Variants in SEMA3A observed in about 807,000 individuals in gnomAD.
SEMA3A encodes the protein semaphorin-3A.
In SEMA3A, 29 loss-of-function variants were observed where a neutral mutation model predicts 97.9. The observed-to-expected ratio is 0.30, with a 90% CI of 0.22 to 0.40. The LOEUF (loss-of-function observed/expected upper bound fraction) is 0.40. Among genes scored for constraint, SEMA3A ranks in the 10% least tolerant of loss-of-function variants. The probability of loss-of-function intolerance (pLI) is 1.00; values close to 1 mark genes in which losing one functional copy is unlikely to be tolerated. For missense variants in SEMA3A, 763 were observed against 951.3 expected (o/e 0.80, Z 2.60); for synonymous variants, 321 against 323.7 (o/e 0.99, Z 0.09).
rs1346611840 is a variant in SEMA3A, at chr7:84,026,700, A to T, written c.668-12349T>A. 4.6e-5 allele frequency among the ~76,000 whole-genome samples: 7 copies of T among 152,322 alleles called. No homozygotes were observed. In the East Asian group the frequency reaches 1.4e-3, roughly 29 times the overall value. On this transcript the variant is annotated intron_variant, in intron 6 of 16. Transcript: ENST00000265362. ...AGGAATGAGATCATGTCCTGTAGGA[A>T]CATGGATGGGGCCGGAGGCTCTTAT...
chr7:84,232,358 C>G (rs1799135425), intron 3 of SEMA3A, among the ~76,000 whole-genome samples: 1 of 150,306 alleles, frequency 6.7e-6, no homozygotes, highest in Admixed American at 6.7e-5. Flanking sequence ...GTTTTCCAAA[C>G]AGAAATTGAC....
chr7:84,051,908 T>C (rs1393146313), intron 5 of SEMA3A, among the ~76,000 whole-genome samples: 1 of 149,862 alleles, frequency 6.7e-6, no homozygotes, highest in Non-Finnish European at 1.5e-5. Context: ...TTATTGAGAG[T>C]TTTTAGCATG....
intron 1 of SEMA3A, among the ~76,000 whole-genome samples, chr7:84,424,078 T>A (rs1386188036): frequency 6.6e-6 from 1 of 151,392 alleles, no homozygotes; most frequent in Non-Finnish European, 1.5e-5. Context: ...TGGAAAACAG[T>A]ATGAAAGTTT....
At chr7:84,157,341 A>C (rs1465615000) in intron 1 of SEMA3A, among the ~76,000 whole-genome samples, 3 of 152,146 alleles carry the variant, frequency 2.0e-5, no homozygotes, top group Non-Finnish European at 2.9e-5. Context: ...ACCATACTTC[A>C]TTGTTGAGAG....
intron 4 of SEMA3A, among the ~76,000 whole-genome samples, chr7:84,081,023 TTG>T (rs76118207): frequency 0.39 from 59,225 of 151,700 alleles, 12,674 homozygotes; most frequent in Admixed American, 0.48. Flanking sequence ...CCAACATAAT[TTG>T]TGTTACATTT....
At chr7:83,962,064 T>G (rs1249324211) in intron 16 of SEMA3A, among the ~76,000 whole-genome samples, 3 of 152,098 alleles carry the variant, frequency 2.0e-5, no homozygotes, top group Admixed American at 6.6e-5. Flanking sequence ...ATAGAATTTC[T>G]TATAATAATT....
At chr7:84,025,541 T>A (rs915623294) in intron 6 of SEMA3A, among the ~76,000 whole-genome samples, 2 of 152,166 alleles carry the variant, frequency 1.3e-5, no homozygotes, top group African/African-American at 4.8e-5. Flanking sequence ...CATTTTTGGC[T>A]GTGGAATAGA....
intron 1 of SEMA3A, among the ~76,000 whole-genome samples, chr7:84,404,614 GA>G (rs1466602486): frequency 1.3e-5 from 2 of 152,108 alleles, no homozygotes; most frequent in African/African-American, 4.8e-5. Context: ...AAGTTGAAAT[GA>G]AGGAAAAAAT....
chr7:84,258,138 T>G (rs1799759305), intron 3 of SEMA3A, among the ~76,000 whole-genome samples: 1 of 152,176 alleles, frequency 6.6e-6, no homozygotes. Flanking sequence ...ACATTACTGG[T>G]TCCCCTTTCT....
chr7:83,981,337 A>C lies in SEMA3A; in HGVS notation c.1636T>G (p.Phe546Val), dbSNP rs1789406500. The change falls in exon 14 of 17, where the codon TTT (phenylalanine) becomes GTT (valine). Residue 546 changes from phenylalanine (F) to valine (V), a missense_variant. This residue lies in a region of SEMA3A where 678 missense variants were observed against 881.3 expected (regional missense o/e 0.77). Coordinates refer to ENST00000265362, the MANE Select transcript of SEMA3A (RefSeq NM_006080.3). The part of the protein sequence containing the change: ...AWDGSACSRY[F>V]PTAKRRTRRQ... ...TTTTCCTACCTCTTTGCAGTGGGAA[A>C]ATAGCGAGAACATGCAGAACCATCC... 1 of 1,613,924 alleles carries C rather than the reference A, an allele frequency of 6.2e-7. No individual in the cohort carries two copies. Among genetic ancestry groups the C allele is most frequent in the African/African-American group, 1.3e-5 (1 of 74,930 alleles).
chr7:84,148,679 A>T (rs2116104515), intron 1 of SEMA3A, among the ~76,000 whole-genome samples: 1 of 152,266 alleles, frequency 6.6e-6, no homozygotes, highest in South Asian at 2.1e-4. Context: ...GTGTGCCTCC[A>T]CTTATATTTG....
chr7:84,080,968 GA>G (rs1485592277), intron 4 of SEMA3A, among the ~76,000 whole-genome samples: 2 of 151,870 alleles, frequency 1.3e-5, no homozygotes, highest in Non-Finnish European at 2.9e-5. Flanking sequence ...ACAAAAATAT[GA>G]AAATAGTAAA....
intron 6 of SEMA3A, among the ~76,000 whole-genome samples, chr7:84,015,158 TATTG>T (rs887149764): frequency 3.0e-4 from 46 of 152,342 alleles, no homozygotes; most frequent in African/African-American, 1.1e-3. Context: ...CTAAACAATT[TATTG>T]ATTAATCTCT....
intron 3 of SEMA3A, among the ~76,000 whole-genome samples, chr7:84,272,580 C>G (rs906510163): frequency 6.6e-6 from 1 of 152,076 alleles, no homozygotes; most frequent in African/African-American, 2.4e-5. Context: ...CTAGGACCTT[C>G]TTAAATACTA....
intron 3 of SEMA3A, among the ~76,000 whole-genome samples, chr7:84,270,516 CTA>C (rs1476055483): frequency 6.8e-6 from 1 of 147,850 alleles, no homozygotes; most frequent in East Asian, 2.0e-4. Flanking sequence ...CTCTCTCTCT[CTA>C]TATGCATATA....
rs745697070 is a variant in SEMA3A at position 84,046,428 on chromosome 7, G to C, written c.563C>G (p.Ser188Cys). 1.9e-6 allele frequency: 3 copies of C among 1,612,972 alleles called. No homozygotes were observed. Among genetic ancestry groups the C allele is most frequent in the South Asian group, 1.1e-5 (1 of 91,058 alleles). The change falls in exon 6 of 17, where the codon TCT becomes TGT. Residue 188 changes from serine (S) to cysteine (C), a missense_variant. Around this residue, in one of 2 missense-constraint regions of SEMA3A, gnomAD observed 678 missense variants for 881.3 expected, o/e 0.77. Transcript: ENST00000265362. ...ASLLIDGELY[S>C]GTAADFMGRD... ...CCCCATAAAATCAGCTGCAGTTCCA[G>C]AGTATAATTCTCCATCTGTGTTGTG... is the stretch of plus-strand genomic sequence containing the variant.
intron 3 of SEMA3A, among the ~76,000 whole-genome samples, chr7:84,248,952 T>G (rs1032244814): frequency 6.6e-6 from 1 of 152,196 alleles, no homozygotes; most frequent in Admixed American, 6.5e-5. Context: ...AAGGCTACAT[T>G]TGACTAGATG....
chr7:84,272,124 A>G (rs1800167232), intron 3 of SEMA3A, among the ~76,000 whole-genome samples: 1 of 152,080 alleles, frequency 6.6e-6, no homozygotes, highest in Admixed American at 6.6e-5. Context: ...AACTAAAATG[A>G]AATATGAGCT....
At chr7:84,195,628 A>C (rs900227806), upstream of SEMA3A, among the ~76,000 whole-genome samples, 2 of 152,136 alleles carry the variant, frequency 1.3e-5, no homozygotes, top group African/African-American at 4.8e-5. Flanking sequence ...AGACAAATAT[A>C]GGTCCTTTGA....
Sources: allele counts gnomAD v4.1 joint callset (sites outside exome capture counted in the v4.1 genomes callset), GRCh38; gene constraint gnomAD v4.1.1; regional missense constraint gnomAD v4.1.1; transcripts MANE v1.5; gene names NCBI Gene and HGNC (gene_info 2026-07-23, HGNC 2026-07-21).